ARB2A: variants seen among roughly 807,000 people sequenced by gnomAD.
ARB2A encodes ARB2 cotranscriptional regulator A.
the ARB2A span, chr5:93,741,482 G>C: frequency 6.2e-7 from 1 of 1,613,238 alleles, no homozygotes. Flanking sequence ...GTGTCAACCC[G>C]CAGGGGCATC....
chr5:93,651,800 A>C, the ARB2A span, among the ~76,000 whole-genome samples: 1 of 152,302 alleles, frequency 6.6e-6, no homozygotes, highest in African/African-American at 2.4e-5. Context: ...ACAGGAGGTT[A>C]TTATACTGGT....
chr5:93,894,969 A>G, the ARB2A span, among the ~76,000 whole-genome samples: 15 of 152,220 alleles, frequency 9.9e-5, no homozygotes, highest in Non-Finnish European at 2.2e-4. Flanking sequence ...CTAATTCAGA[A>G]ATCGGGATAA....
the ARB2A span, among the ~76,000 whole-genome samples, chr5:93,659,037 C>A: frequency 6.6e-6 from 1 of 151,898 alleles, no homozygotes; most frequent in African/African-American, 2.4e-5. Flanking sequence ...TTTGAAGTTT[C>A]ATTTGAAAAC....
chr5:93,633,987 T>C, the ARB2A span, among the ~76,000 whole-genome samples: 2 of 152,054 alleles, frequency 1.3e-5, no homozygotes, highest in Admixed American at 6.5e-5. Context: ...GGTCTTGAAC[T>C]CCTGGGCTCA....
At chr5:93,670,492 T>C in the ARB2A span, among the ~76,000 whole-genome samples, 1 of 152,172 alleles carries the variant, frequency 6.6e-6, no homozygotes, top group Admixed American at 6.5e-5. Context: ...GTAAATTCAG[T>C]AGCCTTTTTT....
At chr5:93,914,688 C>T in the ARB2A span, among the ~76,000 whole-genome samples, 10 of 151,790 alleles carry the variant, frequency 6.6e-5, no homozygotes, top group South Asian at 2.1e-4. Context: ...ATCCCAAATC[C>T]GGAATAAAAT....
the ARB2A span, chr5:93,683,652 T>C: frequency 3.8e-6 from 6 of 1,593,700 alleles, no homozygotes; most frequent in Non-Finnish European, 5.1e-6. Context: ...CGGCCTTTAG[T>C]TCACAACCGA....
chr5:93,949,422 G>A, the ARB2A span, among the ~76,000 whole-genome samples: 7 of 152,018 alleles, frequency 4.6e-5, no homozygotes, highest in South Asian at 2.1e-4. Context: ...TTAGCTGGGC[G>A]TGGTGGCACA....
the ARB2A span, among the ~76,000 whole-genome samples, chr5:93,883,930 C>T: frequency 1.5e-5 from 2 of 136,254 alleles, no homozygotes; most frequent in African/African-American, 2.7e-5. Flanking sequence ...CACATACACA[C>T]ACACACACAC....
chr5:93,931,739 TA>T, the ARB2A span, among the ~76,000 whole-genome samples: 74 of 147,050 alleles, frequency 5.0e-4, no homozygotes, highest in Admixed American at 5.4e-4. Flanking sequence ...GCAGTCAGAT[TA>T]AAAAAAAAAA....
the ARB2A span, among the ~76,000 whole-genome samples, chr5:93,771,714 A>G: frequency 6.6e-6 from 1 of 152,256 alleles, no homozygotes; most frequent in Non-Finnish European, 1.5e-5. Flanking sequence ...AATGCTCACC[A>G]TCACTGGCCA....
At chr5:93,744,802 T>C in the ARB2A span, among the ~76,000 whole-genome samples, 13,095 of 152,196 alleles carry the variant, frequency 0.086, 880 homozygotes, top group African/African-American at 0.18. Context: ...ATCCACCACC[T>C]TCAACAAAAA....
the ARB2A span, among the ~76,000 whole-genome samples, chr5:94,001,434 C>T: frequency 1.3e-4 from 19 of 151,792 alleles, no homozygotes; most frequent in African/African-American, 3.9e-4. Context: ...CTCTCTCTTC[C>T]GTCTGTTTCA....
the ARB2A span, among the ~76,000 whole-genome samples, chr5:93,753,989 T>C: frequency 2.6e-5 from 4 of 152,208 alleles, no homozygotes; most frequent in Non-Finnish European, 4.4e-5. Context: ...AGGAGGGATG[T>C]AGGGTAGCAA....
chr5:94,013,465 C>T, the ARB2A span, among the ~76,000 whole-genome samples: 1 of 152,040 alleles, frequency 6.6e-6, no homozygotes, highest in African/African-American at 2.4e-5. Flanking sequence ...CGTGAGACAT[C>T]GTGCCCGGCC....
the ARB2A span, among the ~76,000 whole-genome samples, chr5:94,059,618 C>CAA: frequency 0.017 from 1,052 of 61,706 alleles, 52 homozygotes; most frequent in African/African-American, 0.027. Flanking sequence ...GAGACTGTCT[C>CAA]AAAAAAAAAA....
chr5:93,723,226 T>G, the ARB2A span, among the ~76,000 whole-genome samples: 2 of 152,138 alleles, frequency 1.3e-5, no homozygotes, highest in Non-Finnish European at 2.9e-5. Flanking sequence ...GGCAACAGAT[T>G]AAGCTGGGGG....
the ARB2A span, among the ~76,000 whole-genome samples, chr5:93,837,305 A>C: frequency 1.3e-5 from 2 of 152,038 alleles, no homozygotes; most frequent in Non-Finnish European, 2.9e-5. Flanking sequence ...ATTCTTTTTC[A>C]ATGGCTGTGT....
At chr5:93,987,686 A>T in the ARB2A span, among the ~76,000 whole-genome samples, 1 of 152,162 alleles carries the variant, frequency 6.6e-6, no homozygotes, top group South Asian at 2.1e-4. Context: ...CTATATCCCC[A>T]GCTGTCCTCC....
Sources: allele counts gnomAD v4.1 joint callset (sites outside exome capture counted in the v4.1 genomes callset), GRCh38; gene constraint gnomAD v4.1.1; transcripts MANE v1.5; gene names NCBI Gene and HGNC (gene_info 2026-07-23, HGNC 2026-07-21).